DNAH5: variants seen among roughly 807,000 people sequenced by gnomAD.
The protein encoded by DNAH5 is axonemal beta dynein heavy chain 5.
Under a neutral mutation model 518.2 loss-of-function variants are expected in DNAH5, and 372 were observed. The ratio of observed to expected loss-of-function variants is 0.72; its 90% confidence interval spans 0.66 to 0.78. The LOEUF is 0.78. DNAH5 is among the 30% of genes least tolerant of loss of function. The pLI is 0.00. For missense variants in DNAH5, 5,523 were observed against 5,687.0 expected (o/e 0.97, Z 0.93); for synonymous variants, 2,039 against 2,025.9 (o/e 1.01, Z -0.17).
At chr5:13,912,932 C>T (rs1365457380) in intron 11 of DNAH5, among the ~76,000 whole-genome samples, 2 of 151,756 alleles carry the variant, frequency 1.3e-5, no homozygotes, top group African/African-American at 2.4e-5. Flanking sequence ...ATGTTTCCTG[C>T]TATATAAAGG....
intron 21 of DNAH5, among the ~76,000 whole-genome samples, chr5:13,879,931 A>C (rs1015211595): frequency 6.6e-6 from 1 of 152,168 alleles, no homozygotes; most frequent in Non-Finnish European, 1.5e-5. Context: ...GGGGGAGGAA[A>C]TAGAAAGCCA....
chr5:13,779,829 T>G (rs566322772), intron 53 of DNAH5, among the ~76,000 whole-genome samples: 2 of 152,186 alleles, frequency 1.3e-5, no homozygotes, highest in East Asian at 3.9e-4. Context: ...CACTCTCTAT[T>G]CTCCATTCTC....
At chr5:13,790,134 A>C (rs1291061153) in intron 50 of DNAH5, among the ~76,000 whole-genome samples, 1 of 152,232 alleles carries the variant, frequency 6.6e-6, no homozygotes, top group Non-Finnish European at 1.5e-5. Context: ...TGTGGAATGC[A>C]CTATGGTGAT....
chr5:13,930,962 G>A, intron 2 of DNAH5, 148 bp downstream of exon 2: 3 of 1,146,938 alleles, frequency 2.6e-6, no homozygotes, highest in Non-Finnish European at 3.9e-6. Context: ...CATTCTGCAA[G>A]CACCAGTACA....
chr5:13,812,611 AT>A (rs930757922), intron 43 of DNAH5, among the ~76,000 whole-genome samples: 22 of 151,648 alleles, frequency 1.5e-4, no homozygotes, highest in East Asian at 5.8e-4. Context: ...TGGCCCCCAG[AT>A]TTTTTTTTAA....
chr5:13,944,596 GA>G lies in DNAH5; in HGVS notation c.-159del. 1 of 685,372 alleles carries G rather than the reference GA, an allele frequency of 1.5e-6. No individual in the cohort carries two copies. The highest frequency in any genetic ancestry group is 2.8e-5 in the East Asian group (1 of 36,354). The allele number at this position is 685,372 out of a possible 1,614,324, so 42.5% of individuals were successfully genotyped here. A position where few individuals can be genotyped will look rare whatever the true frequency, so the allele number is the denominator to read the frequency against. On this transcript the variant is annotated 5_prime_UTR_variant, in exon 1 of 79. Coordinates refer to ENST00000265104, the MANE Select transcript of DNAH5 (RefSeq NM_001369.3). ...GCATGTATTATTCACTACATTCACA[GA>G]ATAAAAATTAAAACTCCACTTATAC...
intron 47 of DNAH5, among the ~76,000 whole-genome samples, chr5:13,802,911 C>T (rs139833854): frequency 9.9e-5 from 15 of 151,922 alleles, no homozygotes; most frequent in Non-Finnish European, 1.8e-4. Flanking sequence ...TGTATAGATA[C>T]GTAAATCATA....
intron 1 of DNAH5, among the ~76,000 whole-genome samples, chr5:14,010,080 G>A (rs1034425953): frequency 6.6e-6 from 1 of 151,882 alleles, no homozygotes; most frequent in African/African-American, 2.4e-5. Context: ...TTTATATACC[G>A]TTTTTATTTT....
intron 75 of DNAH5, among the ~76,000 whole-genome samples, chr5:13,709,679 G>A (rs1026281978): frequency 5.3e-5 from 8 of 152,014 alleles, no homozygotes; most frequent in Admixed American, 2.0e-4. Context: ...TGAAGGAGGC[G>A]GTCTGCTCCT....
rs1157899194 is a variant in DNAH5 at position 13,842,477 on chromosome 5, AAGAAAG to A, written c.5272-579_5272-574del. On this transcript the variant is annotated intron_variant, in intron 32 of 78. Coordinates refer to ENST00000265104, the MANE Select transcript of DNAH5 (RefSeq NM_001369.3). The stretch of plus-strand genomic sequence containing the variant: ...AAAGAAAGAAAGAAAGAAAGAAAGA[AAGAAAG>A]AGAAAGAAAAGAAAGAAAGAAAGAA... Among the ~76,000 whole-genome samples the A allele has an allele frequency of 8.3e-5, 10 of 119,996 alleles. 2 individuals carry two copies. The highest frequency in any genetic ancestry group is 2.4e-4 in the African/African-American group (7 of 29,076). 78.7% of individuals were successfully genotyped at this position (119,996 alleles called of 152,430 possible). A position where few individuals can be genotyped will look rare whatever the true frequency, so the allele number is the denominator to read the frequency against.
Position 13,922,291 on chromosome 5 carries a change from C to A in DNAH5, c.476G>T (p.Gly159Val), listed in dbSNP as rs185219431. 6.8e-6 allele frequency: 11 copies of A among 1,614,064 alleles called. No individual in the cohort carries two copies. The African/African-American group carries it at 1.1e-4, about 16-fold the overall frequency. ...CAAACGTCTCACACTGTTGAGCAGG[C>A]CTCCATCTGCCGCATCTAACATGTT... ...SFNMLDAADG[G>V]LLNSVRRLLS... The change falls in exon 5 of 79, where the codon GGC (glycine) becomes GTC (valine). Residue 159 changes from glycine to valine, a missense_variant. This residue lies in a region of DNAH5 where 5,121 missense variants were observed against 5,223.3 expected (regional missense o/e 0.98). Transcript: ENST00000265104.
chr5:13,854,844 A>C (rs795512), intron 30 of DNAH5, among the ~76,000 whole-genome samples: 66,756 of 152,028 alleles, frequency 0.44, 14,889 homozygotes, highest in South Asian at 0.5. Context: ...ATGCACCCGA[A>C]ACAGGAGCAC....
At chr5:13,835,095 G>A (rs1405328284) in intron 35 of DNAH5, among the ~76,000 whole-genome samples, 2 of 152,034 alleles carry the variant, frequency 1.3e-5, no homozygotes, top group Non-Finnish European at 2.9e-5. Context: ...GAACACCCTG[G>A]CCAACACGGT....
In DNAH5 at chr5:13,835,278, C is replaced by CAA. The variant is rs57989593; in HGVS notation, c.5882+4076_5882+4077dup. ...TGGGCGACAGAGTGAGACTTCTTCTCAAAAAAAAAAAATAGTAGTAATGAT... is the reference window on the plus strand; with the variant it reads ...TGGGCGACAGAGTGAGACTTCTTCTCAAAAAAAAAAAAAATAGTAGTAATGAT... On this transcript the variant is annotated intron_variant, in intron 35 of 78. Transcript: ENST00000265104. Among the ~76,000 whole-genome samples the CAA allele has an allele frequency of 1.3e-3, 181 of 142,992 alleles. 4 individuals are homozygous for CAA. Among genetic ancestry groups the CAA allele is most frequent in the East Asian group, 2.7e-3 (13 of 4,888 alleles). The allele number at this position is 142,992 out of a possible 152,430, so 93.8% of individuals were successfully genotyped here.
chr5:13,986,965 C>T (rs992386186), intron 1 of DNAH5, among the ~76,000 whole-genome samples: 4 of 152,162 alleles, frequency 2.6e-5, no homozygotes, highest in South Asian at 4.2e-4. Context: ...ATGCATCATG[C>T]GTAACTAATA....
chr5:13,867,002 C>G (rs1411203972), intron 25 of DNAH5, among the ~76,000 whole-genome samples: 3 of 152,108 alleles, frequency 2.0e-5, no homozygotes, highest in Non-Finnish European at 4.4e-5. Context: ...TAGTCAGCAC[C>G]AAGGACAGCG....
chr5:13,843,069 T>G (rs1765501913), intron 32 of DNAH5, among the ~76,000 whole-genome samples: 1 of 152,200 alleles, frequency 6.6e-6, no homozygotes, highest in African/African-American at 2.4e-5. Context: ...AATTTTCTGA[T>G]GAATTTAGTC....
Position 13,870,944 on chromosome 5 carries a change from G to A in DNAH5, c.3657C>T (p.Arg1219=), listed in dbSNP as rs1246943178. The A allele has an allele frequency of 3.7e-6, 6 of 1,613,648 alleles. No homozygotes were observed. Among genetic ancestry groups the A allele is most frequent in the Non-Finnish European group, 5.1e-6 (6 of 1,179,804 alleles). ...ETKAWMVVIG[R]HCNKKYRSEM... ...CACTCCGGTATTTTTTGTTACAGTG[G>A]CGTCCAATGACAACCATCCAGGCCT... is the stretch of plus-strand genomic sequence containing the variant. Residue 1219 remains arginine, a synonymous_variant, in exon 24 of 79, where the codon CGC becomes CGT. Transcript: ENST00000265104.
chr5:13,886,592 G>A (rs889204031), intron 17 of DNAH5, among the ~76,000 whole-genome samples: 3 of 152,250 alleles, frequency 2.0e-5, no homozygotes, highest in Admixed American at 1.3e-4. Flanking sequence ...CATGATTTGA[G>A]GCATGGTGAT....
Sources: allele counts gnomAD v4.1 joint callset (sites outside exome capture counted in the v4.1 genomes callset), GRCh38; gene constraint gnomAD v4.1.1; regional missense constraint gnomAD v4.1.1; transcripts MANE v1.5; gene names NCBI Gene and HGNC (gene_info 2026-07-23, HGNC 2026-07-21).